Variants in OSTN observed in about 807,000 individuals in gnomAD.
The protein encoded by OSTN is osteocrin.
OSTN carries 9 observed loss-of-function variants against 12.0 expected under a neutral mutation model. The observed-to-expected ratio is 0.75, with a 90% CI of 0.45 to 1.30. The LOEUF (loss-of-function observed/expected upper bound fraction) is 1.30, where lower values mean the gene tolerates loss of function less well. Among genes scored for constraint, OSTN ranks in the 50% most tolerant of loss-of-function variants. The pLI is 0.00. For synonymous variants in OSTN, 59 were observed against 56.9 expected, an observed-to-expected ratio of 1.04 and a Z score of -0.16; for missense variants, 148 against 152.3, an observed-to-expected ratio of 0.97 and a Z score of 0.15.
rs2108559284 is a variant in OSTN at position 191,262,932 on chromosome 3, C to T, written c.*79C>T. ...TGCTTCACTGAAGTTATTCACACTT[C>T]TTAATGATTAAACTTTTAAGGAACT... is the stretch of plus-strand genomic sequence containing the variant. On this transcript the variant is annotated 3_prime_UTR_variant, in exon 5 of 5. Coordinates refer to ENST00000682035, the MANE Select transcript of OSTN (RefSeq NM_198184.2). The T allele has an allele frequency of 1.4e-6, 1 of 700,244 alleles. No individual in the cohort carries two copies. Among genetic ancestry groups the T allele is most frequent in the East Asian group, 2.7e-5 (1 of 37,140 alleles). The allele number at this position is 700,244 out of a possible 1,614,324, so 43.4% of individuals were successfully genotyped here. A position where few individuals can be genotyped will look rare whatever the true frequency, so the allele number is the denominator to read the frequency against.
chr3:191,248,221 T>C (rs1293206079), intron 3 of OSTN, among the ~76,000 whole-genome samples: 3 of 152,116 alleles, frequency 2.0e-5, no homozygotes, highest in Non-Finnish European at 4.4e-5. Flanking sequence ...ATGACATAAT[T>C]ATTTTCCTCT....
chr3:191,228,373 A>C (rs1007495145), intron 3 of OSTN, among the ~76,000 whole-genome samples: 1 of 152,188 alleles, frequency 6.6e-6, no homozygotes, highest in African/African-American at 2.4e-5. Context: ...TGACAGAAAA[A>C]GTGTTTCTGT....
intron 3 of OSTN, among the ~76,000 whole-genome samples, chr3:191,248,227 C>T (rs991319397): frequency 6.6e-6 from 1 of 152,022 alleles, no homozygotes; most frequent in Non-Finnish European, 1.5e-5. Flanking sequence ...TAATTATTTT[C>T]CTCTACTATT....
At position 191,218,963 on chromosome 3, in the gene OSTN, T is replaced by C. The variant is rs199689299; in HGVS notation, c.317+2T>C. 36 of 1,596,454 alleles carry C rather than the reference T, an allele frequency of 2.3e-5. No homozygotes were observed. Among genetic ancestry groups the C allele is most frequent in the Middle Eastern group, 1.7e-4 (1 of 5,994 alleles). On this transcript the variant is annotated splice_donor_variant, in intron 3 of 4. Coordinates refer to ENST00000682035, the MANE Select transcript of OSTN (RefSeq NM_198184.2). LOFTEE classifies it high-confidence loss of function. ...TGTAGATCACAAAGGTAAACAGAGG[T>C]AAGTGAACTCAGAAAAAGAAAGTTT...
At chr3:191,224,329 T>A (rs1714850550) in intron 3 of OSTN, among the ~76,000 whole-genome samples, 1 of 146,742 alleles carries the variant, frequency 6.8e-6, no homozygotes, top group Admixed American at 6.9e-5. Context: ...TGAGCCAAGA[T>A]CTCACCATTG....
chr3:191,254,174 T>A (rs1327983927), intron 4 of OSTN, among the ~76,000 whole-genome samples: 1 of 152,164 alleles, frequency 6.6e-6, no homozygotes, highest in Non-Finnish European at 1.5e-5. Context: ...GATAAACAGA[T>A]CTTTAATAAG....
At chr3:191,204,936 T>A (rs140623473) in intron 1 of OSTN, among the ~76,000 whole-genome samples, 215 of 152,320 alleles carry the variant, frequency 1.4e-3, no homozygotes, top group African/African-American at 4.8e-3. Context: ...ACAATTTTTT[T>A]AATTATGTTT....
intron 3 of OSTN, among the ~76,000 whole-genome samples, chr3:191,220,632 G>C (rs1023535333): frequency 1.3e-5 from 2 of 151,916 alleles, no homozygotes; most frequent in African/African-American, 4.8e-5. Context: ...ACCACTGCTG[G>C]GTAAGTATAT....
At chr3:191,246,741 AGAGGAGAAG>A (rs143092643) in intron 3 of OSTN, among the ~76,000 whole-genome samples, 41,584 of 151,274 alleles carry the variant, frequency 0.27, 6,501 homozygotes, top group South Asian at 0.38. Flanking sequence ...AGGAGGAGGA[AGAGGAGAAG>A]GAGGAGAAGG....
intron 3 of OSTN, among the ~76,000 whole-genome samples, chr3:191,222,095 G>A (rs190700353): frequency 6.0e-4 from 91 of 152,360 alleles, no homozygotes; most frequent in Admixed American, 1.1e-3. Context: ...AGATTTTAGA[G>A]GATGTGTGGA....
chr3:191,248,817 T>G (rs1161242535), intron 3 of OSTN, among the ~76,000 whole-genome samples: 2 of 152,170 alleles, frequency 1.3e-5, no homozygotes, highest in African/African-American at 4.8e-5. Flanking sequence ...GACATGGTGG[T>G]ACACACTTAT....
chr3:191,259,970 T>C (rs570321842), intron 4 of OSTN, among the ~76,000 whole-genome samples: 17 of 147,928 alleles, frequency 1.1e-4, no homozygotes, highest in Admixed American at 2.7e-4. Context: ...TTCTCCTGCC[T>C]CAGCCTCCGG....
intron 1 of OSTN, among the ~76,000 whole-genome samples, chr3:191,202,827 T>G (rs1714181103): frequency 6.6e-6 from 1 of 152,204 alleles, no homozygotes; most frequent in Non-Finnish European, 1.5e-5. Flanking sequence ...TAGTGAGCAT[T>G]AGAATTAAAC....
intron 3 of OSTN, among the ~76,000 whole-genome samples, chr3:191,248,802 A>G (rs936302775): frequency 2.6e-5 from 4 of 152,172 alleles, no homozygotes; most frequent in Non-Finnish European, 4.4e-5. Flanking sequence ...CAAAAAAATT[A>G]ATCAGACATG....
intron 4 of OSTN, among the ~76,000 whole-genome samples, chr3:191,256,331 A>G (rs957485347): frequency 1.2e-4 from 19 of 152,288 alleles, no homozygotes; most frequent in African/African-American, 4.3e-4. Flanking sequence ...TAAGCTGTAT[A>G]TGTTTTTCTT....
chr3:191,203,607 G>T (rs1429363331), intron 1 of OSTN, among the ~76,000 whole-genome samples: 1 of 152,106 alleles, frequency 6.6e-6, no homozygotes, highest in East Asian at 1.9e-4. Flanking sequence ...TTCCTAATTT[G>T]TTGCCTTCAG....
At chr3:191,250,644 T>G (rs1023794348) in intron 4 of OSTN, among the ~76,000 whole-genome samples, 3 of 152,212 alleles carry the variant, frequency 2.0e-5, no homozygotes, top group Admixed American at 1.3e-4. Flanking sequence ...TTTCATTCAT[T>G]CATTATCTTG....
intron 3 of OSTN, among the ~76,000 whole-genome samples, chr3:191,222,457 A>G (rs1161542308): frequency 6.6e-6 from 1 of 152,210 alleles, no homozygotes; most frequent in East Asian, 1.9e-4. Flanking sequence ...ATTTTGACCA[A>G]TGTCTCCTAT....
intron 4 of OSTN, among the ~76,000 whole-genome samples, chr3:191,257,256 C>T (rs1182498808): frequency 6.7e-6 from 1 of 149,874 alleles, no homozygotes; most frequent in Non-Finnish European, 1.5e-5. Flanking sequence ...TCCTTCTTAC[C>T]AAAAACATAC....
Sources: allele counts gnomAD v4.1 joint callset (sites outside exome capture counted in the v4.1 genomes callset), GRCh38; gene constraint gnomAD v4.1.1; transcripts MANE v1.5; gene names NCBI Gene and HGNC (gene_info 2026-07-23, HGNC 2026-07-21).